LRRC47: variants seen among roughly 807,000 people sequenced by gnomAD.
The protein encoded by LRRC47 is leucine-rich repeat-containing protein 47.
LRRC47 carries 31 observed loss-of-function variants against 40.9 expected under a neutral mutation model. That is an observed-to-expected ratio of 0.76 (90% CI 0.57 to 1.02). The LOEUF is 1.02. LRRC47 is among the 50% of genes least tolerant of loss of function. The pLI is 0.00. For synonymous variants in LRRC47, 427 were observed against 371.9 expected (o/e 1.15, Z -1.70); for missense variants, 726 against 796.1 (o/e 0.91, Z 1.06).
chr1:3,791,301 C>T (rs536858241), intron 1 of LRRC47, among the ~76,000 whole-genome samples: 1 of 152,354 alleles, frequency 6.6e-6, no homozygotes, highest in South Asian at 2.1e-4. Context: ...ATGACCAGCA[C>T]TACCTCCCCC....
rs1178734029 is a variant in LRRC47, at chr1:3,782,780, AC to A, written c.1311-18del. On this transcript the variant is annotated intron_variant, in intron 4 of 6. Transcript: ENST00000378251. The stretch of plus-strand genomic sequence containing the variant: ...TGAAGGTATCTGTATGGGAAGAAAT[AC>A]AAATTCCAGGCATAATTATAAAAGA... 1 of 1,425,374 alleles carries A rather than the reference AC, an allele frequency of 7.0e-7. No individual in the cohort carries two copies. 88.3% of individuals were successfully genotyped at this position (1,425,374 alleles called of 1,614,324 possible). A position where few individuals can be genotyped will look rare whatever the true frequency, so the allele number is the denominator to read the frequency against.
At chr1:3,781,876 G>C (rs1185837915) in intron 5 of LRRC47, among the ~76,000 whole-genome samples, 4 of 152,182 alleles carry the variant, frequency 2.6e-5, no homozygotes, top group Non-Finnish European at 5.9e-5. Context: ...AGCTACTCAG[G>C]AGGCTGACAT....
At position 3,782,511 on chromosome 1, in the gene LRRC47, C is replaced by G. The variant is rs1643530156; in HGVS notation, c.1413+150G>C. The stretch of plus-strand genomic sequence containing the variant: ...GTTTCTCCATATTGGTCAGGCTGGT[C>G]TTGAACTCCTGACCTCAGGTGATCC... On this transcript the variant is annotated intron_variant, in intron 5 of 6. Transcript: ENST00000378251. 8 of 631,146 alleles carry G rather than the reference C, an allele frequency of 1.3e-5. No homozygotes were observed. In the South Asian group the frequency reaches 1.5e-4, roughly 12 times the overall value. 39.1% of individuals were successfully genotyped at this position (631,146 alleles called of 1,614,324 possible).
chr1:3,784,489 C>T (rs1356547027), intron 3 of LRRC47, among the ~76,000 whole-genome samples: 1 of 152,214 alleles, frequency 6.6e-6, no homozygotes, highest in Non-Finnish European at 1.5e-5. Context: ...CAGCAACTCA[C>T]CCTACTGCCA....
chr1:3,795,984 G>T lies in LRRC47; in HGVS notation c.493C>A (p.Leu165Ile), dbSNP rs202168763. 1.3e-6 allele frequency: 2 copies of T among 1,574,334 alleles called. No homozygotes were observed. Among genetic ancestry groups the T allele is most frequent in the East Asian group, 4.6e-5 (2 of 43,444 alleles). Residue 165 changes from leucine (L) to isoleucine (I), a missense_variant, in exon 1 of 7, where the codon CTA becomes ATA. Leu to Ile is a conservative substitution (Grantham distance 5, BLOSUM62 2). Coordinates refer to ENST00000378251, the MANE Select transcript of LRRC47 (RefSeq NM_020710.3). ...AAGAGCTCGGCGGGAAAGGAGTCTA[G>T]GCAATTGCCGGTGAGGTTGAGGCTC... ...LQSLNLTGNC[L>I]DSFPAELFRP... is the part of the protein sequence containing the mutation.
At chr1:3,788,964 G>A (rs1199204833) in intron 1 of LRRC47, among the ~76,000 whole-genome samples, 2 of 152,118 alleles carry the variant, frequency 1.3e-5, no homozygotes, top group East Asian at 1.9e-4. Context: ...GCGTCCATCG[G>A]ATCTAACAGA....
chr1:3,783,276 C>T (rs906732100), intron 4 of LRRC47, among the ~76,000 whole-genome samples: 2 of 151,694 alleles, frequency 1.3e-5, no homozygotes, highest in African/African-American at 2.4e-5. Flanking sequence ...AAATATTAGC[C>T]AGGCATGGTG....
chr1:3,794,938 C>G (rs1281312303), intron 1 of LRRC47, among the ~76,000 whole-genome samples: 1 of 150,502 alleles, frequency 6.6e-6, no homozygotes, highest in Non-Finnish European at 1.5e-5. Flanking sequence ...CCTGTAAGCC[C>G]AGCTACTCAG....
chr1:3,793,000 C>T (rs1056631503), intron 1 of LRRC47, among the ~76,000 whole-genome samples: 1 of 152,182 alleles, frequency 6.6e-6, no homozygotes, highest in South Asian at 2.1e-4. Flanking sequence ...CCAGTGAACT[C>T]GCCTCTTCCA....
intron 1 of LRRC47, among the ~76,000 whole-genome samples, chr1:3,791,582 G>A (rs1199371368): frequency 1.3e-5 from 2 of 152,128 alleles, no homozygotes; most frequent in African/African-American, 2.4e-5. Context: ...TCAGCTTCCC[G>A]AGTAGCTGGG....
At chr1:3,793,953 T>A (rs1190202445) in intron 1 of LRRC47, among the ~76,000 whole-genome samples, 21 of 152,094 alleles carry the variant, frequency 1.4e-4, no homozygotes, top group Admixed American at 1.4e-3. Flanking sequence ...TCTCAGCACC[T>A]TGGAGGCCAA....
At chr1:3,783,963 G>A in intron 4 of LRRC47, 33 bp downstream of exon 4, 1 of 1,562,070 alleles carries the variant, frequency 6.4e-7, no homozygotes, top group Non-Finnish European at 8.7e-7. Context: ...ACTCCCCCGG[G>A]CCCGGCCCCA....
chr1:3,785,185 G>A lies in LRRC47; in HGVS notation c.1096C>T (p.Leu366Phe), dbSNP rs747601768. The A allele has an allele frequency of 3.2e-6, 5 of 1,578,734 alleles. No individual in the cohort carries two copies. Among genetic ancestry groups the A allele is most frequent in the Non-Finnish European group, 4.3e-6 (5 of 1,164,396 alleles). ...LTSQTKLHEDLCEKRTAATLA... is the reference protein window; with the variant it reads ...LTSQTKLHEDFCEKRTAATLA... ...GTGGCAGCCGTCCTCTTCTCACAGA[G>A]ATCTTCGTGGAGCTTGGTCTGTAAC... Residue 366 changes from leucine to phenylalanine, a missense_variant, in exon 3 of 7, where the codon CTC (leucine) becomes TTC (phenylalanine). Physicochemically the swap from Leu to Phe is conservative, Grantham distance 22. Coordinates refer to ENST00000378251, the MANE Select transcript of LRRC47 (RefSeq NM_020710.3).
Position 3,787,230 on chromosome 1 carries a change from G to A in LRRC47, c.696C>T (p.Phe232=). ...ADCPKLKEIN[F]RGNKLRDKRL... is the part of the protein sequence containing the mutation. ...GCTTGTCCCTCAGCTTGTTCCCACG[G>A]AAATTGATCTCCTTGAGCTTGGGGC... is the stretch of plus-strand genomic sequence containing the variant. Residue 232 remains phenylalanine, a synonymous_variant, in exon 2 of 7, where the codon TTC becomes TTT. Transcript: ENST00000378251. The A allele has an allele frequency of 6.2e-7, 1 of 1,613,748 alleles. No homozygotes were observed. The highest frequency in any genetic ancestry group is 1.3e-5 in the African/African-American group (1 of 75,070).
At chr1:3,786,749 C>G in intron 2 of LRRC47, 100 bp downstream of exon 2, 2 of 1,155,590 alleles carry the variant, frequency 1.7e-6, no homozygotes, top group Non-Finnish European at 2.4e-6. Context: ...CCCCATACTC[C>G]ACTGCTGCTC....
chr1:3,779,501 G>A lies in LRRC47; in HGVS notation c.*1587C>T, dbSNP rs922482976. The A allele has an allele frequency of 2.6e-5, 4 of 152,236 alleles. No homozygotes were observed. The highest frequency in any genetic ancestry group is 9.7e-5 in the African/African-American group (4 of 41,440). The allele number at this position is 152,236 out of a possible 1,614,324, so 9.4% of individuals were successfully genotyped here. On this transcript the variant is annotated 3_prime_UTR_variant, in exon 7 of 7. Coordinates refer to ENST00000378251, the MANE Select transcript of LRRC47 (RefSeq NM_020710.3). ...AAGCACACTGACTCCCGGGAGTGGT[G>A]TGCACGCACATGTGGTGCCTGGACA...
In LRRC47 at chr1:3,781,048, G is replaced by T; in HGVS notation, c.*40C>A. On this transcript the variant is annotated 3_prime_UTR_variant, in exon 7 of 7. Transcript: ENST00000378251. ...TCAGCATTGCCGCATAGAAACCTCC[G>T]CAAAACCGGCCAAACAAACGCGGAC... The T allele has an allele frequency of 1.3e-6, 2 of 1,595,918 alleles. No homozygotes were observed. Among genetic ancestry groups the T allele is most frequent in the Non-Finnish European group, 1.7e-6 (2 of 1,168,324 alleles).
At chr1:3,784,325 C>T (rs746363619) in intron 3 of LRRC47, 72 of 566,172 alleles carry the variant, frequency 1.3e-4, no homozygotes, top group Middle Eastern at 1.2e-3. Context: ...CCAAACACAC[C>T]GATCCTACTG....
At position 3,796,177 on chromosome 1, in the gene LRRC47, G is replaced by A. The variant is rs893634039; in HGVS notation, c.300C>T (p.Ala100=). Residue 100 remains alanine, a synonymous_variant, in exon 1 of 7, where the codon GCC becomes GCT. Transcript: ENST00000378251. ...GLSPELGPLP[A]LRVLDLSGNA... is the part of the protein sequence containing the mutation. ...TGCCCGACAGGTCGAGCACCCGAAG[G>A]GCAGGCAGCGGCCCGAGCTCGGGGC... The A allele has an allele frequency of 1.2e-4, 179 of 1,440,148 alleles. No individual in the cohort carries two copies. The highest frequency in any genetic ancestry group is 1.6e-4 in the Non-Finnish European group (177 of 1,103,100). The allele number at this position is 1,440,148 out of a possible 1,614,324, so 89.2% of individuals were successfully genotyped here.
Sources: allele counts gnomAD v4.1 joint callset (sites outside exome capture counted in the v4.1 genomes callset), GRCh38; gene constraint gnomAD v4.1.1; transcripts MANE v1.5; gene names NCBI Gene and HGNC (gene_info 2026-07-23, HGNC 2026-07-21).